Variants in ERBB4 observed in about 807,000 individuals in gnomAD.
The protein encoded by ERBB4 is receptor tyrosine-protein kinase erbB-4.
A neutral mutation model predicts 158.0 loss-of-function variants in ERBB4; 42 were observed. The observed-to-expected ratio is 0.27, with a 90% CI of 0.21 to 0.34. The LOEUF is 0.34. Ranked by LOEUF, ERBB4 falls within the 10% of genes least tolerant of loss-of-function variation. The probability of loss-of-function intolerance (pLI) is 1.00; values close to 1 mark genes in which losing one functional copy is unlikely to be tolerated. For synonymous variants in ERBB4, 583 were observed against 558.7 expected, an observed-to-expected ratio of 1.04 and a Z score of -0.61; for missense variants, 1,333 against 1,624.1, an observed-to-expected ratio of 0.82 and a Z score of 3.08.
intron 3 of ERBB4, among the ~76,000 whole-genome samples, chr2:211,832,852 TTA>T (rs751792414): frequency 1.4e-5 from 2 of 147,672 alleles, no homozygotes; most frequent in South Asian, 2.1e-4. Context: ...TATATATAGT[TTA>T]TATATATATA....
chr2:211,393,211 G>C (rs2062839872), intron 25 of ERBB4, among the ~76,000 whole-genome samples: 1 of 151,968 alleles, frequency 6.6e-6, no homozygotes, highest in Non-Finnish European at 1.5e-5. Flanking sequence ...ATAACTCTTA[G>C]GGAAATTAAG....
chr2:211,751,681 T>C (rs2075134432), intron 4 of ERBB4, among the ~76,000 whole-genome samples: 1 of 152,180 alleles, frequency 6.6e-6, no homozygotes, highest in Admixed American at 6.5e-5. Flanking sequence ...TCAAATAACA[T>C]CTCGTCAGAT....
chr2:212,105,631 A>C (rs1166459666), intron 2 of ERBB4, among the ~76,000 whole-genome samples: 1 of 152,232 alleles, frequency 6.6e-6, no homozygotes, highest in Non-Finnish European at 1.5e-5. Context: ...ATTTAAAATA[A>C]CATAGTTGCA....
At chr2:212,512,899 A>C (rs948486416) in intron 1 of ERBB4, among the ~76,000 whole-genome samples, 2 of 152,314 alleles carry the variant, frequency 1.3e-5, no homozygotes, top group African/African-American at 4.8e-5. Flanking sequence ...TGTGCCTGAC[A>C]TCTTTATGCT....
chr2:211,422,232 G>C, intron 23 of ERBB4, 128 bp from the exon 24 acceptor site: 7 of 644,280 alleles, frequency 1.1e-5, no homozygotes, highest in Non-Finnish European at 1.1e-5. Flanking sequence ...GAGAAAGAAA[G>C]CAAGCTAGTG....
intron 3 of ERBB4, among the ~76,000 whole-genome samples, chr2:211,890,593 T>C (rs1177319930): frequency 6.9e-6 from 1 of 145,172 alleles, no homozygotes; most frequent in Non-Finnish European, 1.5e-5. Flanking sequence ...ATTCTCCAAT[T>C]AAAAGACACA....
At chr2:211,857,191 T>C (rs2077892959) in intron 3 of ERBB4, among the ~76,000 whole-genome samples, 1 of 151,932 alleles carries the variant, frequency 6.6e-6, no homozygotes, top group South Asian at 2.1e-4. Flanking sequence ...GTGTCTTAGG[T>C]ATTGTTTCTT....
At chr2:211,468,411 T>G (rs1032564912) in intron 20 of ERBB4, among the ~76,000 whole-genome samples, 1 of 151,942 alleles carries the variant, frequency 6.6e-6, no homozygotes, top group Non-Finnish European at 1.5e-5. Context: ...CATCCAGGGG[T>G]TTTGACTGTC....
chr2:212,416,351 C>T (rs550087794), intron 1 of ERBB4, among the ~76,000 whole-genome samples: 1 of 152,266 alleles, frequency 6.6e-6, no homozygotes, highest in South Asian at 2.1e-4. Context: ...GTACTGTTTG[C>T]AACATCCTTT....
intron 1 of ERBB4, among the ~76,000 whole-genome samples, chr2:212,229,622 G>A (rs1445537363): frequency 6.6e-6 from 1 of 152,116 alleles, no homozygotes; most frequent in Non-Finnish European, 1.5e-5. Context: ...CATCTCTCTG[G>A]CAGCAGAGGC....
intron 1 of ERBB4, among the ~76,000 whole-genome samples, chr2:212,274,170 A>G (rs1291981623): frequency 6.6e-6 from 1 of 151,888 alleles, no homozygotes; most frequent in African/African-American, 2.4e-5. Flanking sequence ...TCTCTTTACA[A>G]GATGAATCCT....
rs1370453674 is a variant in ERBB4, at chr2:212,538,455, G to C, written c.76C>G (p.Gln26Glu). 6.2e-7 allele frequency: 1 copy of C among 1,613,896 alleles called. No homozygotes were observed. Among genetic ancestry groups the C allele is most frequent in the Non-Finnish European group, 8.5e-7 (1 of 1,179,820 alleles). Residue 26 changes from glutamine to glutamate, a missense_variant, in exon 1 of 28, where the codon CAG becomes GAG. This residue lies in a region of ERBB4 where 438 missense variants were observed against 586.9 expected (regional missense o/e 0.75). Transcript: ENST00000342788. ...AGTGCCAGAAGGAACCCACCTGACT[G>C]AGAATCGCTGGGCTGGACGGTCCCC... ...AAGTVQPSDS[Q>E]SVCAGTENKL...
chr2:211,559,679 A>G (rs1020770761), intron 20 of ERBB4, among the ~76,000 whole-genome samples: 1 of 152,180 alleles, frequency 6.6e-6, no homozygotes, highest in African/African-American at 2.4e-5. Flanking sequence ...ATTCAATCCT[A>G]TAGTTAATTC....
chr2:211,910,864 A>T (rs1383208597), intron 3 of ERBB4, among the ~76,000 whole-genome samples: 2 of 152,140 alleles, frequency 1.3e-5, no homozygotes, highest in Admixed American at 6.5e-5. Flanking sequence ...AGTCAATATT[A>T]TTACATCTCT....
intron 2 of ERBB4, among the ~76,000 whole-genome samples, chr2:211,981,465 G>A (rs1316926169): frequency 6.6e-6 from 1 of 152,146 alleles, no homozygotes; most frequent in Non-Finnish European, 1.5e-5. Flanking sequence ...GTAGGTTTAG[G>A]TGTAAATTCT....
At chr2:211,632,603 ATTTTGTT>A (rs1014988735) in intron 16 of ERBB4, among the ~76,000 whole-genome samples, 1 of 149,666 alleles carries the variant, frequency 6.7e-6, no homozygotes, top group African/African-American at 2.5e-5. Flanking sequence ...AAAACGCTCT[ATTTTGTT>A]TTTTGTTTGT....
chr2:212,538,618 G>A lies in ERBB4; in HGVS notation c.-88C>T. The A allele has an allele frequency of 2.2e-6, 3 of 1,369,728 alleles. No individual in the cohort carries two copies. The highest frequency in any genetic ancestry group is 3.1e-6 in the Non-Finnish European group (3 of 962,716). 84.8% of individuals were successfully genotyped at this position (1,369,728 alleles called of 1,614,324 possible). ...GGCACGCGGAGGAGATCCCCCAGCC[G>A]GGCGCGCGTGGGGGTGCGAGGGGGG... On this transcript the variant is annotated 5_prime_UTR_variant, in exon 1 of 28. Coordinates refer to ENST00000342788, the MANE Select transcript of ERBB4 (RefSeq NM_005235.3).
chr2:211,461,635 C>T (rs1350952835), intron 20 of ERBB4, among the ~76,000 whole-genome samples: 1 of 151,740 alleles, frequency 6.6e-6, no homozygotes, highest in Non-Finnish European at 1.5e-5. Flanking sequence ...AGAGGGGCCA[C>T]AAGAAAGAAA....
chr2:211,448,134 G>A (rs2064157467), intron 20 of ERBB4, among the ~76,000 whole-genome samples: 1 of 151,954 alleles, frequency 6.6e-6, no homozygotes, highest in Non-Finnish European at 1.5e-5. Flanking sequence ...CACCACACCT[G>A]GCTAATTTTT....
Sources: allele counts gnomAD v4.1 joint callset (sites outside exome capture counted in the v4.1 genomes callset), GRCh38; gene constraint gnomAD v4.1.1; regional missense constraint gnomAD v4.1.1; transcripts MANE v1.5; gene names NCBI Gene and HGNC (gene_info 2026-07-23, HGNC 2026-07-21).